MZT2B: variants seen among roughly 807,000 people sequenced by gnomAD.
MZT2B encodes the protein mitotic spindle organizing protein 2B.
In MZT2B, 11 loss-of-function variants were observed where a neutral mutation model predicts 12.1. The ratio of observed to expected loss-of-function variants is 0.91; its 90% CI spans 0.57 to 1.50. The LOEUF (loss-of-function observed/expected upper bound fraction) is 1.50. Among genes scored for constraint, MZT2B ranks in the 40% most tolerant of loss-of-function variants. MZT2B has a pLI of 0.00. For synonymous variants in MZT2B, 85 were observed against 109.5 expected (o/e 0.78, Z 1.40); for missense variants, 209 against 227.7 (o/e 0.92, Z 0.53).
the MZT2B span, among the ~76,000 whole-genome samples, chr2:130,197,265 G>A: frequency 6.6e-6 from 1 of 152,080 alleles, no homozygotes; most frequent in Middle Eastern, 3.4e-3. Flanking sequence ...TGAGGTGAGA[G>A]GATCACTTGG....
At chr2:130,183,364 C>T in intron 2 of MZT2B, among the ~76,000 whole-genome samples, 1 of 152,184 alleles carries the variant, frequency 6.6e-6, no homozygotes, top group East Asian at 1.9e-4. Flanking sequence ...CTGATGACTG[C>T]AGGAAGAGAG....
chr2:130,182,286 G>C lies in MZT2B; in HGVS notation c.4G>C (p.Ala2Pro). The C allele has an allele frequency of 7.5e-7, 1 of 1,332,400 alleles. No homozygotes were observed. The highest frequency in any genetic ancestry group is 9.5e-7 in the Non-Finnish European group (1 of 1,051,390). The allele number at this position is 1,332,400 out of a possible 1,614,324, so 82.5% of individuals were successfully genotyped here. A position where few individuals can be genotyped will look rare whatever the true frequency, so the allele number is the denominator to read the frequency against. Residue 2 changes from alanine to proline, a missense_variant, in exon 1 of 3, where the codon GCG (alanine) becomes CCG (proline). Coordinates refer to ENST00000281871, the MANE Select transcript of MZT2B (RefSeq NM_025029.5). ...CACCTTTCCGCGGGCCGCGGGGATG[G>C]CGGCGCAGGGCGTAGGGCCTGGGCC... The part of the protein sequence containing the change: M[A>P]AQGVGPGPGS...
the MZT2B span, among the ~76,000 whole-genome samples, chr2:130,201,057 G>C: frequency 1.3e-5 from 2 of 152,262 alleles, no homozygotes; most frequent in Non-Finnish European, 2.9e-5. Context: ...CCTGAGAGGA[G>C]AGCAGAGAAG....
the MZT2B span, among the ~76,000 whole-genome samples, chr2:130,200,117 C>T: frequency 6.7e-6 from 1 of 149,696 alleles, no homozygotes; most frequent in African/African-American, 2.5e-5. Flanking sequence ...GAAGGCAGGG[C>T]GTGGTGGCTC....
the MZT2B span, chr2:130,196,020 A>G: frequency 7.2e-7 from 1 of 1,384,824 alleles, no homozygotes; most frequent in Non-Finnish European, 9.6e-7. Context: ...TTCTCTCCTA[A>G]CAATGCCATG....
intron 2 of MZT2B, among the ~76,000 whole-genome samples, chr2:130,185,566 GTAACA>G (rs1690029839): frequency 8.5e-6 from 1 of 117,288 alleles, no homozygotes; most frequent in African/African-American, 3.1e-5. Flanking sequence ...ACACAGGGGG[GTAACA>G]AGGGTTACAG....
chr2:130,204,707 G>T, the MZT2B span, among the ~76,000 whole-genome samples: 23 of 60,582 alleles, frequency 3.8e-4, no homozygotes, highest in South Asian at 5.5e-4. Flanking sequence ...AAAAAAAAGG[G>T]GGGGTGGGGA....
chr2:130,199,515 A>G, the MZT2B span, among the ~76,000 whole-genome samples: 311 of 123,100 alleles, frequency 2.5e-3, 78 homozygotes, highest in African/African-American at 7.1e-3. Flanking sequence ...ACGCCACTGC[A>G]CTCAAGCCTG....
downstream of MZT2B, among the ~76,000 whole-genome samples, chr2:130,194,776 C>T (rs112875069): frequency 0.017 from 2,533 of 152,252 alleles, 57 homozygotes; most frequent in African/African-American, 0.056. Context: ...CTTCCGAGTT[C>T]AAGCAATTCT....
At chr2:130,181,932 T>C (rs1689690497), upstream of MZT2B, 2 of 1,441,184 alleles carry the variant, frequency 1.4e-6, no homozygotes, top group South Asian at 1.3e-5. Flanking sequence ...GCACGCTTTC[T>C]TGAAAGAGGC....
At chr2:130,203,725 A>C in the MZT2B span, among the ~76,000 whole-genome samples, 1 of 152,174 alleles carries the variant, frequency 6.6e-6, no homozygotes, top group Non-Finnish European at 1.5e-5. Context: ...CTGGGATGAC[A>C]GGCTTGAGTG....
chr2:130,198,844 C>G, the MZT2B span, among the ~76,000 whole-genome samples: 4 of 123,578 alleles, frequency 3.2e-5, 1 homozygote, highest in Admixed American at 3.6e-4. Context: ...AGCAGCACCG[C>G]AATTATCCCC....
At chr2:130,183,144 T>A in intron 2 of MZT2B, 1 of 382,024 alleles carries the variant, frequency 2.6e-6, no homozygotes, top group Non-Finnish European at 4.8e-6. Context: ...GGGAGGATCG[T>A]TTGAGGCCAT....
chr2:130,190,276 G>C (rs1014398915), intron 2 of MZT2B, among the ~76,000 whole-genome samples, 193 bp from the exon 3 acceptor site: 7 of 152,224 alleles, frequency 4.6e-5, no homozygotes, highest in African/African-American at 1.7e-4. Flanking sequence ...TGCACACTGC[G>C]AAGGGCTTCT....
chr2:130,189,323 C>G (rs923028497), intron 2 of MZT2B, among the ~76,000 whole-genome samples: 3 of 152,124 alleles, frequency 2.0e-5, no homozygotes, highest in African/African-American at 4.8e-5. Flanking sequence ...TCAGATCTTT[C>G]AGTGTTCCAG....
the MZT2B span, chr2:130,196,192 G>A: frequency 2.8e-5 from 45 of 1,613,858 alleles, no homozygotes; most frequent in South Asian, 2.6e-4. Flanking sequence ...CTCTGGGCAC[G>A]TGCTTGCCAG....
chr2:130,196,007 A>G, the MZT2B span: 1 of 1,391,932 alleles, frequency 7.2e-7, no homozygotes, highest in Non-Finnish European at 9.5e-7. Context: ...CAAACCTTTC[A>G]GTTTCTCTCC....
At chr2:130,181,798 G>C (rs1422967465), upstream of MZT2B, 7 of 1,546,072 alleles carry the variant, frequency 4.5e-6, no homozygotes, top group East Asian at 1.5e-4. Flanking sequence ...GCGCCCCAAG[G>C]TACTTTCTCC....
At chr2:130,192,111 T>C (rs1282476971), downstream of MZT2B, 4 of 1,596,666 alleles carry the variant, frequency 2.5e-6, no homozygotes, top group Non-Finnish European at 8.5e-7. Context: ...TGTGGGGGGC[T>C]GGTAGTTAAT....
Sources: gnomAD v4.1 joint callset for allele counts (sites outside exome capture counted in the v4.1 genomes callset) on GRCh38, gnomAD v4.1.1 for gene constraint, MANE v1.5 for transcripts, NCBI Gene and HGNC (gene_info 2026-07-23, HGNC 2026-07-21) for gene names.